ENPP1: variants seen among roughly 807,000 people sequenced by gnomAD.
ENPP1 encodes ectonucleotide pyrophosphatase/phosphodiesterase family member 1.
In ENPP1, 73 loss-of-function variants were observed where a neutral mutation model predicts 122.8. The ratio of observed to expected loss-of-function variants is 0.59; its 90% CI spans 0.49 to 0.72. ENPP1 has a LOEUF of 0.72. Ranked by LOEUF, ENPP1 falls within the 30% of genes least tolerant of loss-of-function variation. The probability of loss-of-function intolerance (pLI) is 0.00; values close to 1 mark genes in which losing one functional copy is unlikely to be tolerated. For synonymous variants in ENPP1, 367 were observed against 391.6 expected (o/e 0.94, Z 0.74); for missense variants, 978 against 1,128.1 (o/e 0.87, Z 1.91).
At chr6:131,819,929 T>C in intron 1 of ENPP1, 2 of 535,580 alleles carry the variant, frequency 3.7e-6, no homozygotes, top group Non-Finnish European at 6.9e-6. Flanking sequence ...CAGATGAGTT[T>C]CCATAGCTTC....
At chr6:131,811,957 C>A (rs1423530762) in intron 1 of ENPP1, among the ~76,000 whole-genome samples, 1 of 152,078 alleles carries the variant, frequency 6.6e-6, no homozygotes, top group Non-Finnish European at 1.5e-5. Flanking sequence ...ATGAGATGGG[C>A]AGAAGTACTA....
intron 24 of ENPP1, among the ~76,000 whole-genome samples, chr6:131,888,550 A>G (rs1782419300): frequency 6.6e-6 from 1 of 152,224 alleles, no homozygotes; most frequent in Non-Finnish European, 1.5e-5. Flanking sequence ...CCCTGATGGT[A>G]GTAGTCTTTC....
intron 1 of ENPP1, among the ~76,000 whole-genome samples, chr6:131,829,289 T>C (rs181172475): frequency 1.1e-3 from 168 of 152,382 alleles, no homozygotes; most frequent in African/African-American, 3.8e-3. Context: ...AATACTACTT[T>C]TATTTAACGA....
At chr6:131,882,303 T>A (rs1179213594) in intron 20 of ENPP1, 42 bp from the exon 21 acceptor site, 1 of 1,564,294 alleles carries the variant, frequency 6.4e-7, no homozygotes, top group Non-Finnish European at 8.7e-7. Context: ...TTTTCTTCTC[T>A]GTGCCTGATA....
chr6:131,813,970 G>C (rs189170967), intron 1 of ENPP1, among the ~76,000 whole-genome samples: 1 of 152,196 alleles, frequency 6.6e-6, no homozygotes, highest in African/African-American at 2.4e-5. Context: ...TTTCCAAGCA[G>C]GGTAGAATGT....
At chr6:131,857,559 C>G (rs1339865922) in intron 6 of ENPP1, among the ~76,000 whole-genome samples, 1 of 149,390 alleles carries the variant, frequency 6.7e-6, no homozygotes, top group Non-Finnish European at 1.5e-5. Flanking sequence ...AACAAAAAAC[C>G]AAACACCACA....
intron 20 of ENPP1, among the ~76,000 whole-genome samples, 198 bp from the exon 21 acceptor site, chr6:131,882,147 A>G (rs533340504): frequency 2.0e-5 from 3 of 151,958 alleles, no homozygotes; most frequent in Non-Finnish European, 4.4e-5. Flanking sequence ...TATGACAATT[A>G]ATATCTTTAA....
chr6:131,861,013 A>G (rs1782016923), intron 8 of ENPP1, among the ~76,000 whole-genome samples: 1 of 152,224 alleles, frequency 6.6e-6, no homozygotes, highest in South Asian at 2.1e-4. Context: ...TATAAGGTCT[A>G]TTTAAATAAT....
chr6:131,890,668 G>A lies in ENPP1; in HGVS notation c.*157G>A, dbSNP rs1178994356. 11 of 678,558 alleles carry A rather than the reference G, an allele frequency of 1.6e-5. No homozygotes were observed. The Middle Eastern group carries it at 1.2e-3, about 72-fold the overall frequency. The allele number at this position is 678,558 out of a possible 1,614,324, so 42.0% of individuals were successfully genotyped here. On this transcript the variant is annotated 3_prime_UTR_variant, in exon 25 of 25. Transcript: ENST00000647893. ...CATCTCAGGGAAACTTGCGTACTCA[G>A]CACAGCAGTGGAGAGTGTTCCTGTT... is the stretch of plus-strand genomic sequence containing the variant.
intron 6 of ENPP1, among the ~76,000 whole-genome samples, chr6:131,856,316 G>A (rs1012584216): frequency 1.1e-4 from 17 of 151,068 alleles, no homozygotes; most frequent in Admixed American, 2.0e-4. Context: ...CATGTCCTTC[G>A]CCCACTTTTT....
chr6:131,809,371 G>A (rs1047437967), intron 1 of ENPP1, among the ~76,000 whole-genome samples: 4 of 152,122 alleles, frequency 2.6e-5, no homozygotes, highest in African/African-American at 9.7e-5. Context: ...TCATGGAGAT[G>A]CTATAATACT....
intron 1 of ENPP1, among the ~76,000 whole-genome samples, chr6:131,831,163 T>A (rs571440007): frequency 6.6e-5 from 10 of 150,762 alleles, no homozygotes; most frequent in South Asian, 2.1e-4. Context: ...CAAAAAATTT[T>A]AAAAATGAAA....
chr6:131,861,373 G>A (rs1172194177), intron 8 of ENPP1, among the ~76,000 whole-genome samples: 1 of 152,064 alleles, frequency 6.6e-6, no homozygotes, highest in African/African-American at 2.4e-5. Flanking sequence ...TTAATTAGGG[G>A]AATAGCTCCA....
chr6:131,863,870 C>T (rs565182593), intron 9 of ENPP1, among the ~76,000 whole-genome samples: 25 of 152,016 alleles, frequency 1.6e-4, no homozygotes, highest in African/African-American at 3.6e-4. Flanking sequence ...GAACTGAGAC[C>T]GCGCCACTGC....
Position 131,877,099 on chromosome 6 carries a change from CT to C in ENPP1, c.1832del (p.Leu611ArgfsTer34). ...TPKHPKEVHP[L>X]VQCPFTRNPR... ...AAAGCATCCCAAAGAAGTGCACCCCCTGGTACAGTGCCCCTTCACAAGAAAC... is the reference window on the plus strand; with the variant it reads ...AAAGCATCCCAAAGAAGTGCACCCCCGGTACAGTGCCCCTTCACAAGAAAC... On this transcript the variant is annotated frameshift_variant, in exon 18 of 25. Transcript: ENST00000647893. LOFTEE classifies it high-confidence loss of function. 6.2e-7 allele frequency: 1 copy of C among 1,614,062 alleles called. No homozygotes were observed. Among genetic ancestry groups the C allele is most frequent in the East Asian group, 2.2e-5 (1 of 44,870 alleles).
chr6:131,824,115 G>T (rs1258794505), intron 1 of ENPP1, among the ~76,000 whole-genome samples: 2 of 151,948 alleles, frequency 1.3e-5, no homozygotes, highest in Non-Finnish European at 2.9e-5. Flanking sequence ...TGTTTTTTAG[G>T]TTTTATCTGA....
intron 1 of ENPP1, among the ~76,000 whole-genome samples, chr6:131,847,204 T>C (rs962487273): frequency 6.6e-5 from 10 of 152,206 alleles, no homozygotes; most frequent in African/African-American, 1.4e-4. Flanking sequence ...ATATTCCACA[T>C]ATTGCCTTTA....
chr6:131,858,640 T>A (rs1300471348), intron 6 of ENPP1, 28 bp from the exon 7 acceptor site: 4 of 1,427,248 alleles, frequency 2.8e-6, no homozygotes, highest in Non-Finnish European at 3.9e-6. Context: ...ATGTATTTAA[T>A]AACAATGTTT....
chr6:131,877,220 G>A, intron 18 of ENPP1, 59 bp downstream of exon 18: 1 of 1,495,274 alleles, frequency 6.7e-7, no homozygotes, highest in Non-Finnish European at 9.2e-7. Flanking sequence ...CCTCTGCATA[G>A]CATGTGCTGT....
Sources: gnomAD v4.1 joint callset for allele counts (sites outside exome capture counted in the v4.1 genomes callset) on GRCh38, gnomAD v4.1.1 for gene constraint, MANE v1.5 for transcripts, NCBI Gene and HGNC (gene_info 2026-07-23, HGNC 2026-07-21) for gene names.